Variants in TRMU observed in about 807,000 individuals in gnomAD.
TRMU encodes tRNA mitochondrial 2-thiouridylase.
TRMU carries 49 observed loss-of-function variants against 46.9 expected under a neutral mutation model. The observed-to-expected ratio is 1.05, with a 90% CI of 0.83 to 1.33. TRMU has a LOEUF of 1.33. Ranked by LOEUF, TRMU falls within the 40% of genes most tolerant of loss-of-function variation. TRMU has a pLI of 0.00. For synonymous variants in TRMU, 241 were observed against 200.9 expected, an observed-to-expected ratio of 1.20 and a Z score of -1.69; for missense variants, 572 against 532.4, an observed-to-expected ratio of 1.07 and a Z score of -0.73.
rs576106410 is a variant in TRMU at position 46,336,348 on chromosome 22, C to G, written c.82+502C>G. 6.2e-6 allele frequency: 1 copy of G among 160,620 alleles called. No individual in the cohort carries two copies. Among genetic ancestry groups the G allele is most frequent in the African/African-American group, 2.4e-5 (1 of 41,702 alleles). 9.9% of individuals were successfully genotyped at this position (160,620 alleles called of 1,614,324 possible). A position where few individuals can be genotyped will look rare whatever the true frequency, so the allele number is the denominator to read the frequency against. Reference sequence around the variant, plus strand: ...TTCAGCGTCTCCTGTGTTCTCCGCTCGCTGGAGGACAAAGTTTTCTCCAGG... The same window carrying G: ...TTCAGCGTCTCCTGTGTTCTCCGCTGGCTGGAGGACAAAGTTTTCTCCAGG... On this transcript the variant is annotated intron_variant, in intron 1 of 10. Transcript: ENST00000645190. This position sits in a 1 kb window ranked among gnomAD's most constrained non-coding sequence, Gnocchi z 4.1.
chr22:46,353,666 C>A, intron 7 of TRMU, 101 bp from the exon 8 acceptor site: 1 of 1,062,834 alleles, frequency 9.4e-7, no homozygotes, highest in Non-Finnish European at 1.5e-6. Flanking sequence ...CATTGCTGGG[C>A]CTGCTCTGGG....
At chr22:46,337,748 T>C in intron 1 of TRMU, 31 bp from the exon 2 acceptor site, 1 of 1,613,860 alleles carries the variant, frequency 6.2e-7, no homozygotes, top group East Asian at 2.2e-5. Flanking sequence ...TTGATTTATG[T>C]ATTCTCTTTA....
intron 4 of TRMU, 105 bp downstream of exon 4, chr22:46,346,649 T>C (rs2078266611): frequency 7.3e-7 from 1 of 1,371,274 alleles, no homozygotes; most frequent in African/African-American, 1.5e-5. Context: ...CCCCTCCCTC[T>C]GTGCTCCAGA....
chr22:46,356,989 C>T lies in TRMU; in HGVS notation c.1249C>T (p.Leu417=), dbSNP rs781526230. 18 of 1,613,472 alleles carry T rather than the reference C, an allele frequency of 1.1e-5. No individual in the cohort carries two copies. Among genetic ancestry groups the T allele is most frequent in the Non-Finnish European group, 1.4e-5 (17 of 1,180,034 alleles). ...PSDSPEDGPG[L]SPLL Reference sequence around the variant, plus strand: ...TGACAGCCCAGAAGATGGTCCAGGCCTGAGTCCCTTGCTCTGACAGAGATG... The same window carrying T: ...TGACAGCCCAGAAGATGGTCCAGGCTTGAGTCCCTTGCTCTGACAGAGATG... The change falls in exon 11 of 11, where the codon CTG becomes TTG. Residue 417 remains leucine, a synonymous_variant. Coordinates refer to ENST00000645190, the MANE Select transcript of TRMU (RefSeq NM_018006.5).
In TRMU at chr22:46,342,803, C is replaced by T. The variant is rs1201901493; in HGVS notation, c.249-459C>T. Among the ~76,000 whole-genome samples the T allele has an allele frequency of 2.6e-5, 4 of 152,256 alleles. No individual in the cohort carries two copies. The highest frequency in any genetic ancestry group is 4.4e-5 in the Non-Finnish European group (3 of 68,042). Reference sequence around the variant, plus strand: ...TGAAACCCCGTCTCTACTAAAAATACAAAAATTATCTGGGCATGGTGCTGC... The same window carrying T: ...TGAAACCCCGTCTCTACTAAAAATATAAAAATTATCTGGGCATGGTGCTGC... On this transcript the variant is annotated intron_variant, in intron 2 of 10. Coordinates refer to ENST00000645190, the MANE Select transcript of TRMU (RefSeq NM_018006.5). This position sits in a 1 kb window ranked among gnomAD's most constrained non-coding sequence, Gnocchi z 4.7.
rs547478260 is a variant in TRMU, at chr22:46,348,032, G to A, written c.478+1488G>A. On this transcript the variant is annotated intron_variant, in intron 4 of 10. Coordinates refer to ENST00000645190, the MANE Select transcript of TRMU (RefSeq NM_018006.5). This position sits in a 1 kb window ranked among gnomAD's most constrained non-coding sequence, Gnocchi z 4.8. ...GCCCAGAGAAGAGCAGCCCACTCCC[G>A]TAAGACAGCCCCCCATTTCAGGAAG... Among the ~76,000 whole-genome samples, 2 of 152,256 alleles carry A rather than the reference G, an allele frequency of 1.3e-5. No homozygotes were observed. The highest frequency in any genetic ancestry group is 2.1e-4 in the South Asian group (1 of 4,814).
In TRMU at chr22:46,335,740, G is replaced by C. The variant is rs995131564; in HGVS notation, c.-25G>C. The C allele has an allele frequency of 5.2e-6, 8 of 1,544,388 alleles. No individual in the cohort carries two copies. Among genetic ancestry groups the C allele is most frequent in the Non-Finnish European group, 7.0e-6 (8 of 1,148,286 alleles). On this transcript the variant is annotated 5_prime_UTR_variant, in exon 1 of 11. Coordinates refer to ENST00000645190, the MANE Select transcript of TRMU (RefSeq NM_018006.5). ...AGGCGCGGAAGCGGCGGTAGCTGCA[G>C]CTGGCGAAGTTGGGCGACTGGCGGA...
chr22:46,356,441 G>T (rs763554653), intron 10 of TRMU: 28 of 414,172 alleles, frequency 6.8e-5, no homozygotes, highest in Non-Finnish European at 1.2e-4. Context: ...GCGCCTGGTG[G>T]GTGTAGGCCT....
chr22:46,357,098 C>T lies in TRMU; in HGVS notation c.*92C>T. The T allele has an allele frequency of 1.3e-6, 2 of 1,560,240 alleles. No individual in the cohort carries two copies. Among genetic ancestry groups the T allele is most frequent in the Non-Finnish European group, 1.7e-6 (2 of 1,145,600 alleles). On this transcript the variant is annotated 3_prime_UTR_variant, in exon 11 of 11. Transcript: ENST00000645190. The stretch of plus-strand genomic sequence containing the variant: ...CAGGTGCCCAAGGGCCAGCTTGCTG[C>T]TGCCCAAAGCAGAGGAAGCCGGGCT...
At chr22:46,346,300 T>C (rs2078255414) in intron 3 of TRMU, 122 bp from the exon 4 acceptor site, 1 of 1,235,120 alleles carries the variant, frequency 8.1e-7, no homozygotes, top group Non-Finnish European at 1.1e-6. Context: ...GCAGGGTGGA[T>C]TGTGCAGCCC....
intron 9 of TRMU, 70 bp from the exon 10 acceptor site, chr22:46,355,920 T>C: frequency 6.4e-7 from 1 of 1,570,376 alleles, no homozygotes; most frequent in Non-Finnish European, 8.7e-7. Flanking sequence ...GGTGCTCCTT[T>C]CTCCCTGGGG....
intron 3 of TRMU, among the ~76,000 whole-genome samples, chr22:46,345,439 G>A (rs2078227716): frequency 6.6e-6 from 1 of 152,148 alleles, no homozygotes; most frequent in African/African-American, 2.4e-5. Context: ...TAGGCTCTTT[G>A]GCTTTGTGTA....
intron 2 of TRMU, among the ~76,000 whole-genome samples, chr22:46,341,322 A>G (rs1444852137): frequency 6.6e-6 from 1 of 152,240 alleles, no homozygotes; most frequent in African/African-American, 2.4e-5. Flanking sequence ...CACAGATTGC[A>G]CCTTAAGTAG....
Position 46,336,126 on chromosome 22 carries a change from G to A in TRMU, c.82+280G>A. ...CCCACAGTGAGAAGCCGGCGGGCCGGGGTGGGGTGGGGAGGGAAGGGTTTC... is the reference window on the plus strand; with the variant it reads ...CCCACAGTGAGAAGCCGGCGGGCCGAGGTGGGGTGGGGAGGGAAGGGTTTC... On this transcript the variant is annotated intron_variant, in intron 1 of 10. Coordinates refer to ENST00000645190, the MANE Select transcript of TRMU (RefSeq NM_018006.5). This position sits in a 1 kb window ranked among gnomAD's most constrained non-coding sequence, Gnocchi z 4.1. 7.4e-7 allele frequency: 1 copy of A among 1,344,186 alleles called. No homozygotes were observed. The highest frequency in any genetic ancestry group is 1.6e-5 in the South Asian group (1 of 62,042). The allele number at this position is 1,344,186 out of a possible 1,614,324, so 83.3% of individuals were successfully genotyped here.
In TRMU at chr22:46,339,745, T is replaced by C. The variant is rs1313880524; in HGVS notation, c.248+1801T>C. ...TCACCTAAATAATCAACGGAAGAGC[T>C]TGAATATGAACCCTCTGTGACTCTA... On this transcript the variant is annotated intron_variant, in intron 2 of 10. Coordinates refer to ENST00000645190, the MANE Select transcript of TRMU (RefSeq NM_018006.5). This position sits in a 1 kb window ranked among gnomAD's most constrained non-coding sequence, Gnocchi z 4.8. 1.3e-5 allele frequency among the ~76,000 whole-genome samples: 2 copies of C among 152,148 alleles called. No individual in the cohort carries two copies. Among genetic ancestry groups the C allele is most frequent in the African/African-American group, 4.8e-5 (2 of 41,418 alleles).
rs185250816 is a variant in TRMU at position 46,340,986 on chromosome 22, A to G, written c.249-2276A>G. ...TCCGCTGAAGACTCACTTCTCTAGT[A>G]GGGCTCTCTAGCTCAGAGATTTCTT... On this transcript the variant is annotated intron_variant, in intron 2 of 10. Coordinates refer to ENST00000645190, the MANE Select transcript of TRMU (RefSeq NM_018006.5). 2.6e-5 allele frequency among the ~76,000 whole-genome samples: 4 copies of G among 152,356 alleles called. No homozygotes were observed. In the East Asian group the frequency reaches 7.7e-4, roughly 29 times the overall value.
Position 46,353,774 on chromosome 22 carries a change from C to T in TRMU, c.780C>T (p.Phe260=). The part of the protein sequence containing the change: ...NKVLGTHKGW[F]LYTLGQRANI... ...GAAACTGTCTTTCTGTAGGTTGGTTCCTGTATACCTTGGGCCAGAGAGCAA... is the reference window on the plus strand; with the variant it reads ...GAAACTGTCTTTCTGTAGGTTGGTTTCTGTATACCTTGGGCCAGAGAGCAA... The change falls in exon 8 of 11, where the codon TTC becomes TTT. Residue 260 remains phenylalanine (F), a synonymous_variant. Transcript: ENST00000645190. 6.2e-7 allele frequency: 1 copy of T among 1,613,732 alleles called. No homozygotes were observed. Among genetic ancestry groups the T allele is most frequent in the Non-Finnish European group, 8.5e-7 (1 of 1,179,768 alleles).
At chr22:46,356,098 G>A (rs749941062) in intron 10 of TRMU, 26 bp downstream of exon 10, 35 of 1,612,580 alleles carry the variant, frequency 2.2e-5, no homozygotes, top group Admixed American at 3.3e-5. Context: ...GGGTGAGCCC[G>A]GGGAGGACTG....
In TRMU at chr22:46,342,153, C is replaced by T. The variant is rs997810397; in HGVS notation, c.249-1109C>T. On this transcript the variant is annotated intron_variant, in intron 2 of 10. Transcript: ENST00000645190. The surrounding 1 kb of genome is among the most constrained non-coding windows in gnomAD (Gnocchi z 4.7). Reference sequence around the variant, plus strand: ...TTCAGTCCCCCAGACGGACTCCCCCCACAACAGCAGTCGAAAGTATGGGCC... The same window carrying T: ...TTCAGTCCCCCAGACGGACTCCCCCTACAACAGCAGTCGAAAGTATGGGCC... Among the ~76,000 whole-genome samples, 2 of 152,208 alleles carry T rather than the reference C, an allele frequency of 1.3e-5. No homozygotes were observed. The highest frequency in any genetic ancestry group is 2.4e-5 in the African/African-American group (1 of 41,442).
Sources: allele counts gnomAD v4.1 joint callset (sites outside exome capture counted in the v4.1 genomes callset), GRCh38; gene constraint gnomAD v4.1.1; non-coding constraint Gnocchi (gnomAD v3.1); transcripts MANE v1.5; gene names NCBI Gene and HGNC (gene_info 2026-07-23, HGNC 2026-07-21).